CTNNA3: variants seen among roughly 807,000 people sequenced by gnomAD.
The protein encoded by CTNNA3 is catenin alpha-3.
Under a neutral mutation model 95.7 loss-of-function variants are expected in CTNNA3, and 76 were observed. The ratio of observed to expected loss-of-function variants is 0.79; its 90% confidence interval spans 0.66 to 0.96. The LOEUF is 0.96. Among genes scored for constraint, CTNNA3 ranks in the 40% least tolerant of loss-of-function variants. The pLI is 0.00. For synonymous variants in CTNNA3, 431 were observed against 374.4 expected (o/e 1.15, Z -1.74); for missense variants, 1,191 against 1,089.8 (o/e 1.09, Z -1.31).
At chr10:66,897,773 A>T (rs1385881870) in intron 7 of CTNNA3, among the ~76,000 whole-genome samples, 1 of 152,140 alleles carries the variant, frequency 6.6e-6, no homozygotes. Context: ...AAACCTATAA[A>T]CTCAAACTTA....
chr10:65,937,938 T>G (rs2077368838), intron 17 of CTNNA3, among the ~76,000 whole-genome samples: 1 of 152,212 alleles, frequency 6.6e-6, no homozygotes, highest in East Asian at 1.9e-4. Context: ...CAAAACAGGT[T>G]CAGATGGACT....
chr10:66,200,412 G>A (rs1036880364), intron 13 of CTNNA3, among the ~76,000 whole-genome samples: 1 of 152,206 alleles, frequency 6.6e-6, no homozygotes, highest in Non-Finnish European at 1.5e-5. Flanking sequence ...ATAACCTGTA[G>A]TGATTACCTG....
At chr10:66,674,773 G>A (rs180967026) in intron 9 of CTNNA3, among the ~76,000 whole-genome samples, 139 of 151,980 alleles carry the variant, frequency 9.1e-4, no homozygotes, top group Non-Finnish European at 1.4e-3. Flanking sequence ...TGGTTGATAC[G>A]GGCTCCCTCT....
At chr10:66,911,221 T>C (rs1012579738) in intron 7 of CTNNA3, among the ~76,000 whole-genome samples, 1 of 152,204 alleles carries the variant, frequency 6.6e-6, no homozygotes, top group Non-Finnish European at 1.5e-5. Context: ...TTTCCAACAG[T>C]AGGAGGAACT....
At chr10:67,371,233 T>A (rs1450628984) in intron 5 of CTNNA3, among the ~76,000 whole-genome samples, 3 of 148,680 alleles carry the variant, frequency 2.0e-5, no homozygotes, top group Non-Finnish European at 4.4e-5. Context: ...TATATACATA[T>A]TTTTTTTCTA....
chr10:67,175,071 CAAAA>C (rs11453660), intron 7 of CTNNA3, among the ~76,000 whole-genome samples: 1 of 66,272 alleles, frequency 1.5e-5, no homozygotes, highest in Non-Finnish European at 3.6e-5. Context: ...CAGTCCATGC[CAAAA>C]AAAAAAAAAA....
intron 3 of CTNNA3, among the ~76,000 whole-genome samples, chr10:67,545,103 G>A (rs1840805620): frequency 6.6e-6 from 1 of 151,994 alleles, no homozygotes; most frequent in South Asian, 2.1e-4. Context: ...TAAGTTCTAG[G>A]GTACACGTGC....
At chr10:66,703,193 G>A (rs141657386) in intron 9 of CTNNA3, among the ~76,000 whole-genome samples, 61 of 152,212 alleles carry the variant, frequency 4.0e-4, no homozygotes, top group African/African-American at 1.4e-3. Context: ...TCACAGGCAA[G>A]AGGTTGTGCC....
At chr10:66,509,938 G>T (rs1399613357) in intron 11 of CTNNA3, among the ~76,000 whole-genome samples, 2 of 151,914 alleles carry the variant, frequency 1.3e-5, no homozygotes, top group East Asian at 3.9e-4. Context: ...TGTAAGGAAT[G>T]ACAGTGTTAT....
chr10:67,693,208 C>G (rs1343632531), intron 1 of CTNNA3, among the ~76,000 whole-genome samples: 1 of 152,166 alleles, frequency 6.6e-6, no homozygotes, highest in Non-Finnish European at 1.5e-5. Context: ...TCAGATGTAT[C>G]GGCTAACAGT....
chr10:66,583,902 A>T (rs909352677), intron 10 of CTNNA3, among the ~76,000 whole-genome samples: 3 of 151,818 alleles, frequency 2.0e-5, no homozygotes, highest in Admixed American at 6.6e-5. Flanking sequence ...CATTTCAAAA[A>T]TTTTTTAAAT....
intron 9 of CTNNA3, among the ~76,000 whole-genome samples, chr10:66,636,676 G>T (rs566327005): frequency 6.6e-6 from 1 of 151,968 alleles, no homozygotes; most frequent in Non-Finnish European, 1.5e-5. Flanking sequence ...TATTTTTCAC[G>T]TTGTCTTCTC....
intron 1 of CTNNA3, among the ~76,000 whole-genome samples, chr10:67,715,565 G>A (rs1386406740): frequency 2.0e-5 from 3 of 152,058 alleles, no homozygotes; most frequent in Admixed American, 6.6e-5. Flanking sequence ...CACTGTAGCA[G>A]GAATCCCTTC....
Position 66,082,960 on chromosome 10 carries a change from T to C in CTNNA3, c.1978-13471A>G, listed in dbSNP as rs547829991. The stretch of plus-strand genomic sequence containing the variant: ...TCATATATATATTCATCCATCAGAG[T>C]CTCATCTCCCAACACGGTGCAGCAT... On this transcript the variant is annotated intron_variant, in intron 14 of 17. Coordinates refer to ENST00000433211, the MANE Select transcript of CTNNA3 (RefSeq NM_013266.4). 1.4e-3 allele frequency among the ~76,000 whole-genome samples: 211 copies of C among 152,140 alleles called. 1 individual carries two copies. Among genetic ancestry groups the C allele is most frequent in the African/African-American group, 4.6e-3 (192 of 41,500 alleles).
At position 66,895,098 on chromosome 10, in the gene CTNNA3, C is replaced by T. The variant is rs184961225; in HGVS notation, c.1048-119574G>A. Among the ~76,000 whole-genome samples the T allele has an allele frequency of 8.0e-4, 119 of 147,952 alleles. 1 individual carries two copies. The highest frequency in any genetic ancestry group is 2.8e-3 in the African/African-American group (112 of 40,098). On this transcript the variant is annotated intron_variant, in intron 7 of 17. Transcript: ENST00000433211. Reference sequence around the variant, plus strand: ...GAAAGTGTCCTACTTGGAAATGTAGCCCCTGAAGAAGATGCATCCTCAATT... The same window carrying T: ...GAAAGTGTCCTACTTGGAAATGTAGTCCCTGAAGAAGATGCATCCTCAATT...
At chr10:66,527,976 A>G (rs1309809527) in intron 10 of CTNNA3, among the ~76,000 whole-genome samples, 1 of 152,180 alleles carries the variant, frequency 6.6e-6, no homozygotes, top group East Asian at 1.9e-4. Context: ...GCAAGTAAAA[A>G]GAAAGGAATT....
intron 13 of CTNNA3, among the ~76,000 whole-genome samples, chr10:66,145,602 C>A (rs2083843125): frequency 6.6e-6 from 1 of 152,098 alleles, no homozygotes; most frequent in Non-Finnish European, 1.5e-5. Flanking sequence ...AAAGAGGTAA[C>A]CACTGGTTCT....
At chr10:66,360,678 C>CCTTTTCTTTCTTTCTTTCTTTCTTTCTTT (rs1554944442) in intron 12 of CTNNA3, among the ~76,000 whole-genome samples, 10 of 79,288 alleles carry the variant, frequency 1.3e-4, no homozygotes, top group Non-Finnish European at 2.8e-4. Context: ...TTCCTTCCTT[C>CCTTTTCTTTCTTTCTTTCTTTCTTTCTTT]CTTCCTTCCT....
At chr10:66,062,851 A>T (rs971147776) in intron 15 of CTNNA3, among the ~76,000 whole-genome samples, 1 of 152,084 alleles carries the variant, frequency 6.6e-6, no homozygotes, top group Non-Finnish European at 1.5e-5. Flanking sequence ...TTTTCAAATG[A>T]TTTGTCACTC....
Sources: gnomAD v4.1 joint callset for allele counts (sites outside exome capture counted in the v4.1 genomes callset) on GRCh38, gnomAD v4.1.1 for gene constraint, MANE v1.5 for transcripts, NCBI Gene and HGNC (gene_info 2026-07-23, HGNC 2026-07-21) for gene names.